ADAM32: variants seen among roughly 807,000 people sequenced by gnomAD.
The protein encoded by ADAM32 is disintegrin and metalloproteinase domain-containing protein 32.
In ADAM32, 89 loss-of-function variants were observed where a neutral mutation model predicts 114.9. The observed-to-expected ratio is 0.77, with a 90% CI of 0.65 to 0.92. The LOEUF (loss-of-function observed/expected upper bound fraction) is 0.92, where lower values mean the gene tolerates loss of function less well. Among genes scored for constraint, ADAM32 ranks in the 40% least tolerant of loss-of-function variants. The pLI is 0.00. For missense variants in ADAM32, 870 were observed against 932.8 expected, an observed-to-expected ratio of 0.93 and a Z score of 0.88; for synonymous variants, 285 against 307.5, an observed-to-expected ratio of 0.93 and a Z score of 0.77.
intron 19 of ADAM32, among the ~76,000 whole-genome samples, chr8:39,257,779 A>T (rs1811745551): frequency 6.6e-6 from 1 of 152,172 alleles, no homozygotes; most frequent in Non-Finnish European, 1.5e-5. Context: ...GAAATTTGTA[A>T]TTTAGATTAT....
chr8:39,170,795 T>C (rs947282409), intron 10 of ADAM32, among the ~76,000 whole-genome samples: 2 of 152,170 alleles, frequency 1.3e-5, no homozygotes, highest in East Asian at 3.8e-4. Flanking sequence ...TTCATTTTTT[T>C]ATTGACACAT....
chr8:39,179,276 T>C (rs1337165715), intron 10 of ADAM32, among the ~76,000 whole-genome samples: 2 of 152,184 alleles, frequency 1.3e-5, no homozygotes, highest in African/African-American at 4.8e-5. Flanking sequence ...ATGTGGCCGC[T>C]CCTTCCCCAA....
chr8:39,222,481 A>G (rs1332209243), intron 13 of ADAM32, among the ~76,000 whole-genome samples: 2 of 152,100 alleles, frequency 1.3e-5, no homozygotes, highest in East Asian at 3.9e-4. Context: ...CTTTTTGTAA[A>G]TTTCCACAAT....
At chr8:39,233,734 T>C (rs1200525735) in intron 15 of ADAM32, among the ~76,000 whole-genome samples, 165 bp from the exon 16 acceptor site, 3 of 152,204 alleles carry the variant, frequency 2.0e-5, no homozygotes, top group Non-Finnish European at 4.4e-5. Flanking sequence ...AATGGATTTA[T>C]ACTTTTTTTA....
At chr8:39,211,609 C>G (rs1352059165) in intron 12 of ADAM32, among the ~76,000 whole-genome samples, 1 of 152,182 alleles carries the variant, frequency 6.6e-6, no homozygotes, top group Non-Finnish European at 1.5e-5. Flanking sequence ...TTACAAATCT[C>G]TGCTTAATCT....
At chr8:39,224,871 A>C (rs1051503323) in intron 14 of ADAM32, among the ~76,000 whole-genome samples, 3 of 152,166 alleles carry the variant, frequency 2.0e-5, no homozygotes, top group Non-Finnish European at 4.4e-5. Context: ...CAGAGAAAAA[A>C]ATGGGAAAAA....
chr8:39,180,497 A>C (rs1805800658), intron 10 of ADAM32, among the ~76,000 whole-genome samples: 1 of 152,144 alleles, frequency 6.6e-6, no homozygotes, highest in African/African-American at 2.4e-5. Context: ...CGACCACCCG[A>C]GGGCTGAGGA....
At position 39,221,673 on chromosome 8, in the gene ADAM32, T is replaced by C. The variant is rs367956626; in HGVS notation, c.1297T>C (p.Tyr433His). The C allele has an allele frequency of 8.7e-6, 14 of 1,611,790 alleles. No homozygotes were observed. The highest frequency in any genetic ancestry group is 1.2e-5 in the Non-Finnish European group (14 of 1,178,702). Residue 433 changes from tyrosine (Y) to histidine (H), a missense_variant, in exon 13 of 25, where the codon TAT becomes CAT. Physicochemically the swap from Tyr to His is moderately conservative, Grantham distance 83. Transcript: ENST00000379907. ...TCVLKDGAKC[Y>H]KGLCCKDCQI... ...TGTACTGAAAGACGGAGCAAAATGT[T>C]ATAAAGGACTGTGCTGCAAAGACTG...
In ADAM32 at chr8:39,270,862, C is replaced by T; in HGVS notation, c.2163-14C>T. On this transcript the variant is annotated splice_polypyrimidine_tract_variant and intron_variant, in intron 19 of 24. Coordinates refer to ENST00000379907, the MANE Select transcript of ADAM32 (RefSeq NM_145004.7). ...TCTAAGTACTAACATGAGACATTTT[C>T]AATTTCTTTTTAGATCTAAATCGGA... 1 of 1,603,298 alleles carries T rather than the reference C, an allele frequency of 6.2e-7. No individual in the cohort carries two copies. The highest frequency in any genetic ancestry group is 8.5e-7 in the Non-Finnish European group (1 of 1,173,134).
intron 2 of ADAM32, among the ~76,000 whole-genome samples, chr8:39,133,057 G>A (rs773980252): frequency 6.6e-6 from 1 of 150,982 alleles, no homozygotes; most frequent in Non-Finnish European, 1.5e-5. Context: ...ACTTTTTTTC[G>A]GACCATGCTA....
Position 39,187,023 on chromosome 8 carries a change from T to C in ADAM32, c.1030T>C (p.Cys344Arg). Residue 344 changes from cysteine to arginine, a missense_variant, in exon 11 of 25, where the codon TGT becomes CGT. Coordinates refer to ENST00000379907, the MANE Select transcript of ADAM32 (RefSeq NM_145004.7). ...GAAATGTCAATGTTCAGAATCCACC[T>C]GTATAATGAATCCAGAAGTTGTGTA... ...PKKCQCSESTCIMNPEVVQSN... is the reference protein window; with the variant it reads ...PKKCQCSESTRIMNPEVVQSN... 3 of 1,609,304 alleles carry C rather than the reference T, an allele frequency of 1.9e-6. No individual in the cohort carries two copies. Among genetic ancestry groups the C allele is most frequent in the Non-Finnish European group, 1.7e-6 (2 of 1,178,274 alleles).
At chr8:39,216,502 C>T (rs1457028102) in intron 12 of ADAM32, among the ~76,000 whole-genome samples, 1 of 151,584 alleles carries the variant, frequency 6.6e-6, no homozygotes, top group Non-Finnish European at 1.5e-5. Context: ...CCTTCCCTTC[C>T]CTTTCTGTTT....
At position 39,275,867 on chromosome 8, in the gene ADAM32, G is replaced by A; in HGVS notation, c.2279+1G>A. ...GCAGCAGTCAAGCTGATACTAGCAAGTAAGTGAATTAGGGGGCATTTTTTT... is the reference window on the plus strand; with the variant it reads ...GCAGCAGTCAAGCTGATACTAGCAAATAAGTGAATTAGGGGGCATTTTTTT... On this transcript the variant is annotated splice_donor_variant, in intron 22 of 24. Transcript: ENST00000379907. LOFTEE classifies it high-confidence loss of function. 2 of 1,556,780 alleles carry A rather than the reference G, an allele frequency of 1.3e-6. No homozygotes were observed. Among genetic ancestry groups the A allele is most frequent in the East Asian group, 2.4e-5 (1 of 41,880 alleles).
chr8:39,160,690 T>C lies in ADAM32; in HGVS notation c.526-207T>C, dbSNP rs1247550961. Among the ~76,000 whole-genome samples the C allele has an allele frequency of 3.3e-5, 5 of 152,246 alleles. No homozygotes were observed. The South Asian group carries it at 6.2e-4, about 19-fold the overall frequency. On this transcript the variant is annotated intron_variant, in intron 6 of 24. Coordinates refer to ENST00000379907, the MANE Select transcript of ADAM32 (RefSeq NM_145004.7). ...ATTGGAAGTTGTAGATATACTGAGA[T>C]AGATGTTACAACTTCATGGGCAATC...
intron 16 of ADAM32, among the ~76,000 whole-genome samples, chr8:39,238,111 A>G (rs1336056366): frequency 6.6e-6 from 1 of 152,208 alleles, no homozygotes; most frequent in East Asian, 1.9e-4. Flanking sequence ...TGCTAGCATA[A>G]CCAGTCTTGA....
intron 14 of ADAM32, among the ~76,000 whole-genome samples, chr8:39,227,933 C>T (rs2129449094): frequency 6.6e-6 from 1 of 152,312 alleles, no homozygotes; most frequent in African/African-American, 2.4e-5. Flanking sequence ...CCATTACGCC[C>T]TCCGCTGCCT....
At chr8:39,256,885 A>G (rs1410736297) in intron 18 of ADAM32, among the ~76,000 whole-genome samples, 1 of 151,992 alleles carries the variant, frequency 6.6e-6, no homozygotes, top group African/African-American at 2.4e-5. Flanking sequence ...CAATTACACA[A>G]TCCCACGTTG....
At chr8:39,188,703 G>A (rs1806408893) in intron 11 of ADAM32, among the ~76,000 whole-genome samples, 1 of 152,094 alleles carries the variant, frequency 6.6e-6, no homozygotes, top group Non-Finnish European at 1.5e-5. Flanking sequence ...ATGGTCAGAT[G>A]GCTAGTTTGT....
intron 1 of ADAM32, 162 bp downstream of exon 1, chr8:39,107,995 G>T: frequency 6.3e-6 from 6 of 951,116 alleles, no homozygotes; most frequent in Non-Finnish European, 7.4e-6. Flanking sequence ...ATGGAGAAGC[G>T]ACTCAGGGCC....
Sources: gnomAD v4.1 joint callset for allele counts (sites outside exome capture counted in the v4.1 genomes callset) on GRCh38, gnomAD v4.1.1 for gene constraint, MANE v1.5 for transcripts, NCBI Gene and HGNC (gene_info 2026-07-23, HGNC 2026-07-21) for gene names.